Variants in CELF2 observed in about 807,000 individuals in gnomAD.
The protein encoded by CELF2 is CUGBP Elav-like family member 2, also known as CUG triplet repeat RNA-binding protein 2.
A neutral mutation model predicts 62.6 loss-of-function variants in CELF2; 8 were observed. That is an observed-to-expected ratio of 0.13 (90% CI 0.07 to 0.23). The LOEUF (loss-of-function observed/expected upper bound fraction) is 0.23. Among genes scored for constraint, CELF2 ranks in the 10% least tolerant of loss-of-function variants. CELF2 has a pLI of 1.00. For missense variants in CELF2, 333 were observed against 671.0 expected (o/e 0.50, Z 5.56); for synonymous variants, 258 against 250.0 (o/e 1.03, Z -0.30).
In CELF2 at chr10:11,280,365, C is replaced by T. The variant is rs957694249; in HGVS notation, c.841+5245C>T. Among the ~76,000 whole-genome samples, 2 of 152,310 alleles carry T rather than the reference C, an allele frequency of 1.3e-5. No individual in the cohort carries two copies. Among genetic ancestry groups the T allele is most frequent in the East Asian group, 3.9e-4 (2 of 5,172 alleles). On this transcript the variant is annotated intron_variant, in intron 8 of 12. Transcript: ENST00000633077. This position sits in a 1 kb window ranked among gnomAD's most constrained non-coding sequence, Gnocchi z 7.6. ...TAAGAAGGGAGAGGGAACCTCTGTC[C>T]TCACCCAGATGCCCTGGCTGGTGTC...
chr10:10,617,065 C>T, the CELF2 span, among the ~76,000 whole-genome samples: 182 of 152,226 alleles, frequency 1.2e-3, no homozygotes, highest in African/African-American at 4.1e-3. Flanking sequence ...TCCCCAAATT[C>T]TCTTTCTAAA....
intron 1 of CELF2, among the ~76,000 whole-genome samples, chr10:10,910,997 C>T (rs1011926277): frequency 6.6e-6 from 1 of 152,190 alleles, no homozygotes; most frequent in Non-Finnish European, 1.5e-5. Context: ...AATTACAGAG[C>T]ATATGGTGTA....
At chr10:10,713,628 A>G in the CELF2 span, among the ~76,000 whole-genome samples, 1 of 152,220 alleles carries the variant, frequency 6.6e-6, no homozygotes, top group Non-Finnish European at 1.5e-5. Context: ...AAATTCTGGT[A>G]TGCCATGCAA....
chr10:11,165,817 T>TG lies in CELF2; in HGVS notation c.271+136dup. 1 of 818,992 alleles carries TG rather than the reference T, an allele frequency of 1.2e-6. No homozygotes were observed. Among genetic ancestry groups the TG allele is most frequent in the Non-Finnish European group, 1.8e-6 (1 of 540,810 alleles). 50.7% of individuals were successfully genotyped at this position (818,992 alleles called of 1,614,324 possible). On this transcript the variant is annotated intron_variant, in intron 2 of 12. Transcript: ENST00000633077. The surrounding 1 kb of genome is among the most constrained non-coding windows in gnomAD (Gnocchi z 7.4). ...GGAAGCAGCCGGTGCTGGCGGCCCC[T>TG]GTGCTCCAGGGGCTGCTCCCGACTC...
chr10:10,637,100 A>G, the CELF2 span, among the ~76,000 whole-genome samples: 84 of 152,162 alleles, frequency 5.5e-4, no homozygotes, highest in Non-Finnish European at 9.7e-4. Flanking sequence ...TTGTGTTTGC[A>G]TTAGTGACCA....
chr10:11,134,946 C>T (rs975669120), intron 1 of CELF2, among the ~76,000 whole-genome samples: 2 of 152,204 alleles, frequency 1.3e-5, no homozygotes, highest in African/African-American at 4.8e-5. Flanking sequence ...TATCCCCTAC[C>T]TTGCAGTGTC....
chr10:10,857,649 G>GTATATATATATATATATATATATA (rs779543257), intron 1 of CELF2, among the ~76,000 whole-genome samples: 8 of 94,206 alleles, frequency 8.5e-5, no homozygotes, highest in African/African-American at 1.4e-4. Context: ...CATATATATA[G>GTATATATATATATATATATATATA]TATATATATA....
At chr10:10,756,918 C>T in the CELF2 span, among the ~76,000 whole-genome samples, 4 of 151,240 alleles carry the variant, frequency 2.6e-5, no homozygotes, top group Non-Finnish European at 5.9e-5. Flanking sequence ...CCAAGGCAGG[C>T]AGATCATGAG....
chr10:10,479,041 T>A, the CELF2 span, among the ~76,000 whole-genome samples: 1 of 152,160 alleles, frequency 6.6e-6, no homozygotes, highest in African/African-American at 2.4e-5. Flanking sequence ...TCTGCTCTGA[T>A]TTTTTTACGT....
intron 1 of CELF2, among the ~76,000 whole-genome samples, chr10:10,833,835 G>T (rs929241568): frequency 5.9e-5 from 9 of 152,206 alleles, no homozygotes; most frequent in African/African-American, 2.2e-4. Flanking sequence ...AGGTTGCAGA[G>T]AAAAGGGAAT....
chr10:11,331,842 T>TG lies in CELF2; in HGVS notation c.*2789_*2790insG. On this transcript the variant is annotated 3_prime_UTR_variant, in exon 13 of 13. Transcript: ENST00000633077. ...TCTAAGGTGAGAAAGTTTTGAACTTTTAACCCTTTCTACCCAGAGCTATCT... is the reference window on the plus strand; with the variant it reads ...TCTAAGGTGAGAAAGTTTTGAACTTTGTAACCCTTTCTACCCAGAGCTATCT... 1 of 152,768 alleles carries TG rather than the reference T, an allele frequency of 6.5e-6. No homozygotes were observed. The highest frequency in any genetic ancestry group is 1.9e-4 in the East Asian group (1 of 5,182). 9.5% of individuals were successfully genotyped at this position (152,768 alleles called of 1,614,324 possible).
the CELF2 span, among the ~76,000 whole-genome samples, chr10:10,527,279 T>C: frequency 6.6e-6 from 1 of 151,852 alleles, no homozygotes; most frequent in South Asian, 2.1e-4. Flanking sequence ...CCATCTCTAC[T>C]AAAAATACAA....
chr10:11,003,664 A>G (rs554977956), upstream of CELF2, among the ~76,000 whole-genome samples: 274 of 152,320 alleles, frequency 1.8e-3, 1 homozygote, highest in Non-Finnish European at 3.3e-3. The surrounding 1 kb of genome is among the most constrained non-coding windows in gnomAD (Gnocchi z 4.4). Context: ...CACAAGTCAC[A>G]AGGCGAATGG....
chr10:11,135,358 G>A (rs996871156), intron 1 of CELF2, among the ~76,000 whole-genome samples: 1 of 152,194 alleles, frequency 6.6e-6, no homozygotes, highest in African/African-American at 2.4e-5. Context: ...CGTACATGAC[G>A]TGAAATAGTG....
At chr10:10,659,278 G>A in the CELF2 span, among the ~76,000 whole-genome samples, 2 of 152,148 alleles carry the variant, frequency 1.3e-5, no homozygotes, top group Non-Finnish European at 2.9e-5. Context: ...CATAATGAGA[G>A]AATCTTCTTC....
intron 1 of CELF2, among the ~76,000 whole-genome samples, chr10:11,123,781 CAAGG>C (rs2058195041): frequency 6.6e-6 from 1 of 151,004 alleles, no homozygotes; most frequent in African/African-American, 2.4e-5. Context: ...AGATGAAAAA[CAAGG>C]AAAAAAATAT....
chr10:11,061,917 A>G (rs1338269744), intron 1 of CELF2, among the ~76,000 whole-genome samples: 1 of 151,946 alleles, frequency 6.6e-6, no homozygotes, highest in Non-Finnish European at 1.5e-5. Flanking sequence ...GGCTCAAACA[A>G]TTCTCCTGCC....
chr10:11,140,905 T>TA (rs2061245363), intron 1 of CELF2, among the ~76,000 whole-genome samples: 1 of 152,174 alleles, frequency 6.6e-6, no homozygotes, highest in Non-Finnish European at 1.5e-5. Context: ...TATTCCCAGT[T>TA]ACTTGGGAGG....
chr10:10,859,825 T>C (rs1288439810), intron 1 of CELF2, among the ~76,000 whole-genome samples: 1 of 152,202 alleles, frequency 6.6e-6, no homozygotes, highest in East Asian at 1.9e-4. Flanking sequence ...ATATAAATGA[T>C]ATAGTTATCA....
Sources: gnomAD v4.1 joint callset for allele counts (sites outside exome capture counted in the v4.1 genomes callset) on GRCh38, gnomAD v4.1.1 for gene constraint, Gnocchi (gnomAD v3.1) non-coding constraint, MANE v1.5 for transcripts, NCBI Gene and HGNC (gene_info 2026-07-23, HGNC 2026-07-21) for gene names.